CABIN1: variants seen among roughly 807,000 people sequenced by gnomAD.
CABIN1 encodes the protein calcineurin binding protein 1.
Under a neutral mutation model 227.7 loss-of-function variants are expected in CABIN1, and 133 were observed. The ratio of observed to expected loss-of-function variants is 0.58; its 90% confidence interval spans 0.51 to 0.67. The LOEUF (loss-of-function observed/expected upper bound fraction) is 0.67, where lower values mean the gene tolerates loss of function less well. Among genes scored for constraint, CABIN1 ranks in the 30% least tolerant of loss-of-function variants. The pLI is 0.00. For missense variants in CABIN1, 2,408 were observed against 2,852.5 expected (o/e 0.84, Z 3.55); for synonymous variants, 1,086 against 1,155.1 (o/e 0.94, Z 1.21).
At position 24,171,909 on chromosome 22, in the gene CABIN1, C is replaced by T. The variant is rs1206439272; in HGVS notation, c.5954C>T (p.Ala1985Val). 6.2e-7 allele frequency: 1 copy of T among 1,614,038 alleles called. No homozygotes were observed. The highest frequency in any genetic ancestry group is 1.1e-5 in the South Asian group (1 of 91,092). Reference sequence around the variant, plus strand: ...ATCACCTGCCCTCCGTCAGCATCAGCTTCCACCCTGGACCAGTCCAAGGAC... The same window carrying T: ...ATCACCTGCCCTCCGTCAGCATCAGTTTCCACCCTGGACCAGTCCAAGGAC... The part of the protein sequence containing the change: ...TIITCPPSAS[A>V]STLDQSKDPG... Residue 1985 changes from alanine to valine, a missense_variant, in exon 34 of 37, where the codon GCT (alanine) becomes GTT (valine). By Grantham distance (64) the Ala-to-Val change is moderately conservative. Coordinates refer to ENST00000263119, the MANE Select transcript of CABIN1 (RefSeq NM_012295.4).
chr22:24,082,661 C>T (rs1412599233), intron 19 of CABIN1, among the ~76,000 whole-genome samples: 3 of 152,170 alleles, frequency 2.0e-5, no homozygotes, highest in Non-Finnish European at 4.4e-5. Flanking sequence ...TAGCCGTCGG[C>T]TCTCATATTC....
intron 29 of CABIN1, chr22:24,155,773 C>G: frequency 2.6e-6 from 1 of 387,324 alleles, no homozygotes; most frequent in South Asian, 7.5e-5. Flanking sequence ...GCCTGCCGCA[C>G]TCCTGGCCAC....
At chr22:24,148,526 T>A (rs1233331910) in intron 29 of CABIN1, among the ~76,000 whole-genome samples, 1 of 152,220 alleles carries the variant, frequency 6.6e-6, no homozygotes, top group Admixed American at 6.5e-5. Flanking sequence ...AAGTCCAGCA[T>A]AATCCTCTGA....
At chr22:24,112,182 T>C (rs578226406) in intron 26 of CABIN1, among the ~76,000 whole-genome samples, 2 of 152,262 alleles carry the variant, frequency 1.3e-5, no homozygotes, top group African/African-American at 2.4e-5. Context: ...AATTTTTACA[T>C]TGAATACCAG....
intron 23 of CABIN1, among the ~76,000 whole-genome samples, chr22:24,091,367 G>T (rs535260287): frequency 6.6e-6 from 1 of 152,314 alleles, no homozygotes; most frequent in East Asian, 1.9e-4. Context: ...TTTAAGTCCT[G>T]CTCTATGCCT....
chr22:24,107,765 C>T (rs2042595113), intron 26 of CABIN1, among the ~76,000 whole-genome samples: 1 of 152,214 alleles, frequency 6.6e-6, no homozygotes, highest in African/African-American at 2.4e-5. Context: ...TTGGCAATTC[C>T]TTTAGGCCCA....
At chr22:24,156,968 T>C (rs1337485117) in intron 29 of CABIN1, among the ~76,000 whole-genome samples, 1 of 152,164 alleles carries the variant, frequency 6.6e-6, no homozygotes. Flanking sequence ...ATTGCAGGCT[T>C]TCCCAGCCCT....
chr22:24,049,054 G>C (rs747397517), intron 6 of CABIN1, 37 bp from the exon 7 acceptor site: 2 of 1,611,928 alleles, frequency 1.2e-6, no homozygotes, highest in South Asian at 1.1e-5. Flanking sequence ...TTCTGAGTGC[G>C]GTCTCAGAAG....
intron 29 of CABIN1, among the ~76,000 whole-genome samples, chr22:24,159,669 T>C (rs1375274050): frequency 3.3e-5 from 5 of 152,174 alleles, no homozygotes; most frequent in Admixed American, 2.6e-4. Flanking sequence ...GCCCTGGGAA[T>C]GACAGAATGG....
chr22:24,145,342 A>C (rs1341516125), intron 29 of CABIN1, among the ~76,000 whole-genome samples: 4 of 152,178 alleles, frequency 2.6e-5, no homozygotes, highest in Non-Finnish European at 5.9e-5. Context: ...CAGGGCTCCA[A>C]AGTGCTGTGT....
intron 29 of CABIN1, among the ~76,000 whole-genome samples, chr22:24,154,541 T>C (rs2045670215): frequency 1.3e-5 from 2 of 152,224 alleles, no homozygotes; most frequent in African/African-American, 4.8e-5. Context: ...AGGAGCCCCT[T>C]GTCCTCACAC....
intron 29 of CABIN1, among the ~76,000 whole-genome samples, chr22:24,156,999 A>G (rs1043824572): frequency 2.0e-5 from 3 of 151,930 alleles, no homozygotes; most frequent in African/African-American, 7.3e-5. Flanking sequence ...GAGAATCATT[A>G]CCTGTGGATG....
rs181179328 is a variant in CABIN1 at position 24,147,482 on chromosome 22, G to A, written c.4746+13067G>A. ...TTTTTTTGAGACAGGGCTTCACTGT[G>A]TCATCCAGGCTGAAGTGCAGTGGCT... On this transcript the variant is annotated intron_variant, in intron 29 of 36. Transcript: ENST00000263119. 7.4e-3 allele frequency among the ~76,000 whole-genome samples: 1,081 copies of A among 145,742 alleles called. 11 individuals carry two copies. The highest frequency in any genetic ancestry group is 0.012 in the Non-Finnish European group (824 of 66,930).
chr22:24,053,469 C>T (rs1299889330), intron 8 of CABIN1, among the ~76,000 whole-genome samples: 1 of 152,056 alleles, frequency 6.6e-6, no homozygotes, highest in African/African-American at 2.4e-5. Context: ...CCTCCACCTC[C>T]CAGGTTCAAG....
intron 1 of CABIN1, among the ~76,000 whole-genome samples, chr22:24,030,927 G>GGAA (rs2036449034): frequency 6.6e-6 from 1 of 152,198 alleles, no homozygotes; most frequent in Non-Finnish European, 1.5e-5. Flanking sequence ...ATGCCCCAGA[G>GGAA]GAAGGCACAG....
chr22:24,032,473 C>T (rs1042776097), intron 1 of CABIN1, among the ~76,000 whole-genome samples: 1 of 152,162 alleles, frequency 6.6e-6, no homozygotes, highest in African/African-American at 2.4e-5. Context: ...GTTCAAGTCC[C>T]TGCTTTCATT....
chr22:24,089,445 C>T (rs1003734496), intron 23 of CABIN1, among the ~76,000 whole-genome samples: 1 of 152,134 alleles, frequency 6.6e-6, no homozygotes, highest in African/African-American at 2.4e-5. Flanking sequence ...AACTGGGTTC[C>T]CAAGCCATCT....
chr22:24,060,502 T>C (rs1366895202), intron 12 of CABIN1, among the ~76,000 whole-genome samples: 3 of 151,916 alleles, frequency 2.0e-5, no homozygotes, highest in Non-Finnish European at 2.9e-5. Context: ...ATGAGAGTCA[T>C]GGGGAGGGCT....
Position 24,061,817 on chromosome 22 carries a change from G to A in CABIN1, c.1618-130G>A. On this transcript the variant is annotated intron_variant, in intron 12 of 36. Transcript: ENST00000263119. ...AGCCACTGATTATCACTTATGAAAT[G>A]GCAAGTGGATAGAAAGAATTATATT... 4.2e-6 allele frequency: 3 copies of A among 720,674 alleles called. No individual in the cohort carries two copies. The South Asian group carries it at 4.5e-5, about 11-fold the overall frequency. The allele number at this position is 720,674 out of a possible 1,614,324, so 44.6% of individuals were successfully genotyped here.
Sources: gnomAD v4.1 joint callset for allele counts (sites outside exome capture counted in the v4.1 genomes callset) on GRCh38, gnomAD v4.1.1 for gene constraint, MANE v1.5 for transcripts, NCBI Gene and HGNC (gene_info 2026-07-23, HGNC 2026-07-21) for gene names.